Variants in PPP2R2B observed in about 807,000 individuals in gnomAD.
PPP2R2B encodes the protein protein phosphatase 2 regulatory subunit Bbeta.
PPP2R2B carries 5 observed loss-of-function variants against 46.0 expected under a neutral mutation model. The observed-to-expected ratio is 0.11, with a 90% confidence interval of 0.06 to 0.23. The LOEUF is 0.23. PPP2R2B is among the 10% of genes least tolerant of loss of function. PPP2R2B has a pLI of 1.00. For synonymous variants in PPP2R2B, 215 were observed against 206.7 expected, an observed-to-expected ratio of 1.04 and a Z score of -0.34; for missense variants, 367 against 575.0, an observed-to-expected ratio of 0.64 and a Z score of 3.70.
intron 2 of PPP2R2B, among the ~76,000 whole-genome samples, chr5:146,778,811 C>T (rs899577432): frequency 6.6e-6 from 1 of 152,206 alleles, no homozygotes; most frequent in African/African-American, 2.4e-5. Context: ...ATCTAATCAA[C>T]ACATCTGTGC....
At chr5:146,950,952 G>A (rs1764633133) in intron 1 of PPP2R2B, among the ~76,000 whole-genome samples, 1 of 151,992 alleles carries the variant, frequency 6.6e-6, no homozygotes, top group Admixed American at 6.6e-5. Context: ...TGTAAATACA[G>A]TCATCTTTAA....
At chr5:146,696,860 G>A (rs191855925) in intron 4 of PPP2R2B, among the ~76,000 whole-genome samples, 6 of 152,158 alleles carry the variant, frequency 3.9e-5, no homozygotes, top group South Asian at 4.1e-4. Flanking sequence ...ATAACTTTCC[G>A]CTTTTTTCCA....
chr5:146,900,047 C>T (rs1305707251), intron 1 of PPP2R2B, among the ~76,000 whole-genome samples: 1 of 152,134 alleles, frequency 6.6e-6, no homozygotes, highest in Non-Finnish European at 1.5e-5. Context: ...ACAACTCAAA[C>T]AAGATTTCTA....
intron 1 of PPP2R2B, among the ~76,000 whole-genome samples, chr5:147,012,205 T>A (rs1230500402): frequency 6.6e-6 from 1 of 152,060 alleles, no homozygotes; most frequent in Non-Finnish European, 1.5e-5. Flanking sequence ...ATTCATCTGG[T>A]CCTGGACTCT....
intron 1 of PPP2R2B, among the ~76,000 whole-genome samples, chr5:146,911,245 G>A (rs1478909857): frequency 6.6e-6 from 1 of 151,968 alleles, no homozygotes; most frequent in Non-Finnish European, 1.5e-5. Context: ...CACCATGTCC[G>A]GCTAATTTTT....
chr5:146,964,906 G>A (rs907054342), intron 1 of PPP2R2B, among the ~76,000 whole-genome samples: 2 of 152,024 alleles, frequency 1.3e-5, no homozygotes, highest in Non-Finnish European at 2.9e-5. Context: ...TATTATTTGG[G>A]TGACTGTGAA....
In PPP2R2B at chr5:146,959,905, G is replaced by A. The variant is rs1752093547; in HGVS notation, c.79+95760C>T. On this transcript the variant is annotated intron_variant, in intron 1 of 8. Coordinates refer to the PPP2R2B transcript ENST00000336640. ...GGGAGACGACAATGACAGAGCTCAA[G>A]AGGTCAGCAGGAGACAGATCATATT... Among the ~76,000 whole-genome samples the A allele has an allele frequency of 2.0e-5, 3 of 152,196 alleles. No homozygotes were observed. The South Asian group carries it at 6.2e-4, about 32-fold the overall frequency.
Position 146,924,631 on chromosome 5 carries a change from A to G in PPP2R2B, c.79+131034T>C, listed in dbSNP as rs1228467341. On this transcript the variant is annotated intron_variant, in intron 1 of 8. Coordinates refer to the PPP2R2B transcript ENST00000336640. ...AGTCACACAGGACCCTGTGGTCAGA[A>G]GGGCCTCCTTGTTTAGGTTTATGAT... Among the ~76,000 whole-genome samples the G allele has an allele frequency of 4.6e-5, 7 of 152,290 alleles. No individual in the cohort carries two copies. The South Asian group carries it at 1.2e-3, about 27-fold the overall frequency.
intron 1 of PPP2R2B, among the ~76,000 whole-genome samples, chr5:146,926,844 C>T (rs555092062): frequency 6.6e-6 from 1 of 152,170 alleles, no homozygotes; most frequent in African/African-American, 2.4e-5. Flanking sequence ...CCCATATGCA[C>T]AGCCTCAGCC....
chr5:146,677,730 G>A (rs986685301), intron 5 of PPP2R2B, among the ~76,000 whole-genome samples: 2 of 151,986 alleles, frequency 1.3e-5, no homozygotes, highest in South Asian at 4.2e-4. Context: ...GTTTCACCAT[G>A]TTGCCCAGGC....
intron 1 of PPP2R2B, among the ~76,000 whole-genome samples, chr5:146,930,917 CAT>C (rs969784604): frequency 3.5e-4 from 53 of 152,274 alleles, no homozygotes; most frequent in African/African-American, 1.2e-3. Context: ...GCAAATACCA[CAT>C]GGTATTACTT....
chr5:146,694,485 A>G (rs920474623), intron 4 of PPP2R2B, among the ~76,000 whole-genome samples: 1 of 152,196 alleles, frequency 6.6e-6, no homozygotes, highest in Non-Finnish European at 1.5e-5. Context: ...TTTTCTTATC[A>G]TGAATGATAA....
At chr5:146,993,946 CTG>C (rs1753813759) in intron 1 of PPP2R2B, among the ~76,000 whole-genome samples, 2 of 152,158 alleles carry the variant, frequency 1.3e-5, no homozygotes, top group African/African-American at 4.8e-5. Flanking sequence ...GGCCCCAGAG[CTG>C]TGTGTGACCT....
At chr5:146,618,754 A>G (rs191080866) in intron 7 of PPP2R2B, among the ~76,000 whole-genome samples, 2 of 152,328 alleles carry the variant, frequency 1.3e-5, no homozygotes, top group Admixed American at 6.5e-5. Flanking sequence ...CTTTCCTCCC[A>G]GCATTCCTGA....
chr5:147,000,234 T>C (rs574983143), intron 1 of PPP2R2B, among the ~76,000 whole-genome samples: 78 of 152,354 alleles, frequency 5.1e-4, no homozygotes, highest in South Asian at 1.9e-3. Flanking sequence ...GCTGAGCTTT[T>C]TGGCATCCCT....
At chr5:146,977,372 A>ATATTAT (rs989901360) in intron 1 of PPP2R2B, among the ~76,000 whole-genome samples, 3 of 150,910 alleles carry the variant, frequency 2.0e-5, no homozygotes, top group Non-Finnish European at 3.0e-5. Context: ...GTCTCTTTTA[A>ATATTAT]TATTATTATT....
chr5:147,078,049 A>T (rs1757842665), intron 2 of PPP2R2B, among the ~76,000 whole-genome samples: 1 of 152,200 alleles, frequency 6.6e-6, no homozygotes, highest in Non-Finnish European at 1.5e-5. Context: ...TGTCTCACCC[A>T]TTTATAAGCT....
intron 1 of PPP2R2B, among the ~76,000 whole-genome samples, chr5:147,049,756 A>C (rs1561599492): frequency 1.3e-5 from 2 of 152,202 alleles, no homozygotes; most frequent in African/African-American, 4.8e-5. Flanking sequence ...CTGCAGTGGG[A>C]AGAGGCCTGC....
intron 2 of PPP2R2B, among the ~76,000 whole-genome samples, chr5:146,807,815 T>TTTTTTA (rs1757279563): frequency 7.9e-6 from 1 of 126,830 alleles, no homozygotes; most frequent in Non-Finnish European, 1.6e-5. Context: ...TTTTTTTTTT[T>TTTTTTA]GAGAAGACAG....
Sources: gnomAD v4.1 joint callset for allele counts (sites outside exome capture counted in the v4.1 genomes callset) on GRCh38, gnomAD v4.1.1 for gene constraint, MANE v1.5 for transcripts, NCBI Gene and HGNC (gene_info 2026-07-23, HGNC 2026-07-21) for gene names.